The following PLEKHO2 variants were observed in gnomAD, a reference collection of about 807,000 sequenced individuals.
PLEKHO2 encodes the protein pleckstrin homology domain containing O2.
A neutral mutation model predicts 32.7 loss-of-function variants in PLEKHO2; 20 were observed. The observed-to-expected ratio is 0.61, with a 90% confidence interval of 0.43 to 0.89. PLEKHO2 has a LOEUF of 0.89. Among genes scored for constraint, PLEKHO2 ranks in the 40% least tolerant of loss-of-function variants. The probability of loss-of-function intolerance (pLI) is 0.00; values close to 1 mark genes in which losing one functional copy is unlikely to be tolerated. For synonymous variants in PLEKHO2, 247 were observed against 246.3 expected (o/e 1.00, Z -0.03); for missense variants, 568 against 621.2 (o/e 0.91, Z 0.91).
intron 3 of PLEKHO2, among the ~76,000 whole-genome samples, chr15:64,857,242 G>A (rs2084611699): frequency 6.6e-6 from 1 of 152,228 alleles, no homozygotes; most frequent in Admixed American, 6.5e-5. Context: ...TCCTAGCAGT[G>A]CCTATGTCCC....
chr15:64,851,573 T>G (rs1289992645), intron 2 of PLEKHO2, among the ~76,000 whole-genome samples: 1 of 152,180 alleles, frequency 6.6e-6, no homozygotes, highest in Non-Finnish European at 1.5e-5. Context: ...AATTCCTCTT[T>G]CTGATGTAAG....
intron 4 of PLEKHO2, 98 bp downstream of exon 4, chr15:64,860,096 C>T: frequency 9.8e-7 from 1 of 1,019,328 alleles, no homozygotes; most frequent in Non-Finnish European, 1.5e-6. Flanking sequence ...CAGACTACCC[C>T]TTGATTATGT....
chr15:64,852,603 A>G (rs1360424763), intron 2 of PLEKHO2, among the ~76,000 whole-genome samples: 2 of 151,216 alleles, frequency 1.3e-5, no homozygotes, highest in African/African-American at 2.4e-5. Flanking sequence ...CAAGGCTGAG[A>G]ACCTCTGGTG....
chr15:64,847,907 C>T (rs995805503), intron 1 of PLEKHO2, among the ~76,000 whole-genome samples: 1 of 152,222 alleles, frequency 6.6e-6, no homozygotes, highest in East Asian at 1.9e-4. Flanking sequence ...CAGATTGCCA[C>T]TCAGCCTGCC....
rs2084682695 is a variant in PLEKHO2 at position 64,865,897 on chromosome 15, G to A, written c.*9G>A. The A allele has an allele frequency of 1.3e-6, 2 of 1,591,390 alleles. No homozygotes were observed. The highest frequency in any genetic ancestry group is 1.7e-6 in the Non-Finnish European group (2 of 1,172,394). On this transcript the variant is annotated 3_prime_UTR_variant, in exon 6 of 6. Transcript: ENST00000323544. ...GGAGAAGTGCACCCTAGGGCCTTCTGGGCCAGAGGCACCATCCCTTCTGGC... is the reference window on the plus strand; with the variant it reads ...GGAGAAGTGCACCCTAGGGCCTTCTAGGCCAGAGGCACCATCCCTTCTGGC...
intron 5 of PLEKHO2, among the ~76,000 whole-genome samples, chr15:64,864,136 G>T (rs1391136383): frequency 2.0e-5 from 3 of 152,182 alleles, no homozygotes; most frequent in Admixed American, 6.5e-5. Flanking sequence ...AAGGCCTCCT[G>T]CCCAGCCCTG....
At chr15:64,851,702 G>C (rs1454791856) in intron 2 of PLEKHO2, among the ~76,000 whole-genome samples, 1 of 152,138 alleles carries the variant, frequency 6.6e-6, no homozygotes, top group African/African-American at 2.4e-5. Context: ...AGCTGCAGAA[G>C]AGCTGGGATG....
intron 5 of PLEKHO2, among the ~76,000 whole-genome samples, chr15:64,863,909 A>G (rs527745947): frequency 1.3e-3 from 196 of 151,908 alleles, no homozygotes; most frequent in African/African-American, 4.3e-3. Context: ...ACACCTGGCT[A>G]ATTTTGTATT....
chr15:64,850,237 G>A (rs1481832451), intron 2 of PLEKHO2, among the ~76,000 whole-genome samples: 1 of 152,070 alleles, frequency 6.6e-6, no homozygotes, highest in African/African-American at 2.4e-5. Flanking sequence ...ATGACAAATT[G>A]CAATAGTCCC....
At chr15:64,851,975 A>C (rs1351122742) in intron 2 of PLEKHO2, among the ~76,000 whole-genome samples, 2 of 152,160 alleles carry the variant, frequency 1.3e-5, no homozygotes, top group African/African-American at 4.8e-5. Flanking sequence ...TAAGGCACTC[A>C]GAAAACTGGT....
Position 64,864,885 on chromosome 15 carries a change from A to AC in PLEKHO2, c.484-14_484-13insC. 6.5e-7 allele frequency: 1 copy of AC among 1,546,930 alleles called. No individual in the cohort carries two copies. Among genetic ancestry groups the AC allele is most frequent in the Non-Finnish European group, 8.7e-7 (1 of 1,154,074 alleles). ...TCAGCCAAGATGACACCCATATACCATCCCCCCCACCAGGTGGCCAGTGCA... is the reference window on the plus strand; with the variant it reads ...TCAGCCAAGATGACACCCATATACCACTCCCCCCCACCAGGTGGCCAGTGCA... On this transcript the variant is annotated splice_polypyrimidine_tract_variant and intron_variant, in intron 5 of 5. Coordinates refer to ENST00000323544, the MANE Select transcript of PLEKHO2 (RefSeq NM_025201.5).
chr15:64,854,754 G>C (rs2140341828), intron 2 of PLEKHO2, among the ~76,000 whole-genome samples, 167 bp from the exon 3 acceptor site: 1 of 152,332 alleles, frequency 6.6e-6, no homozygotes, highest in Middle Eastern at 3.4e-3. Flanking sequence ...GCATGCACTT[G>C]CCAGGGTCTG....
At chr15:64,852,876 G>T (rs929140882) in intron 2 of PLEKHO2, among the ~76,000 whole-genome samples, 2 of 152,054 alleles carry the variant, frequency 1.3e-5, no homozygotes, top group Non-Finnish European at 2.9e-5. Context: ...GGCCAGGCTT[G>T]GTGGCTCATG....
intron 5 of PLEKHO2, among the ~76,000 whole-genome samples, chr15:64,864,439 C>T (rs1372747405): frequency 3.3e-5 from 5 of 152,170 alleles, no homozygotes; most frequent in Non-Finnish European, 7.3e-5. Flanking sequence ...TGTTTGAGTC[C>T]TGGTCCTGTC....
At chr15:64,844,842 G>A (rs2084510796) in intron 1 of PLEKHO2, among the ~76,000 whole-genome samples, 1 of 152,112 alleles carries the variant, frequency 6.6e-6, no homozygotes. Context: ...AGCTAGGACC[G>A]GTGCATCCCT....
intron 2 of PLEKHO2, among the ~76,000 whole-genome samples, chr15:64,852,336 G>A (rs1415141884): frequency 6.6e-6 from 1 of 152,144 alleles, no homozygotes; most frequent in Non-Finnish European, 1.5e-5. Flanking sequence ...GATTGGAAAG[G>A]GATGTATGGA....
At chr15:64,849,428 G>T (rs1312739046) in intron 2 of PLEKHO2, among the ~76,000 whole-genome samples, 1 of 147,868 alleles carries the variant, frequency 6.8e-6, no homozygotes, top group Non-Finnish European at 1.5e-5. Flanking sequence ...TTATAGGTGT[G>T]AGCCACCACG....
intron 1 of PLEKHO2, among the ~76,000 whole-genome samples, chr15:64,846,520 G>A (rs1677119445): frequency 1.3e-5 from 2 of 152,242 alleles, no homozygotes; most frequent in South Asian, 4.1e-4. Flanking sequence ...CCCCATGTTG[G>A]CCAGGCCGAT....
chr15:64,855,949 C>T lies in PLEKHO2; in HGVS notation c.279+912C>T, dbSNP rs76357336. On this transcript the variant is annotated intron_variant, in intron 3 of 5. Transcript: ENST00000323544. ...CCCAGTCCTCTGCAGACCCTGAAGA[C>T]CACAATGCTTTACTCATTGACCCTT... Among the ~76,000 whole-genome samples the T allele has an allele frequency of 5.4e-5, 8 of 147,746 alleles. No individual in the cohort carries two copies. The East Asian group carries it at 5.8e-4, about 11-fold the overall frequency.
Sources: allele counts gnomAD v4.1 joint callset (sites outside exome capture counted in the v4.1 genomes callset), GRCh38; gene constraint gnomAD v4.1.1; transcripts MANE v1.5; gene names NCBI Gene and HGNC (gene_info 2026-07-23, HGNC 2026-07-21).